The following GHR variants were observed in gnomAD, a reference collection of about 807,000 sequenced individuals.
GHR encodes the protein GH receptor.
In GHR, 35 loss-of-function variants were observed where a neutral mutation model predicts 67.1. The ratio of observed to expected loss-of-function variants is 0.52; its 90% CI spans 0.40 to 0.69. The LOEUF (loss-of-function observed/expected upper bound fraction) is 0.69, where lower values mean the gene tolerates loss of function less well. Ranked by LOEUF, GHR falls within the 30% of genes least tolerant of loss-of-function variation. The pLI, the probability that GHR is intolerant of heterozygous loss-of-function variation, is 0.00. For missense variants in GHR, 792 were observed against 764.6 expected (o/e 1.04, Z -0.42); for synonymous variants, 272 against 269.1 (o/e 1.01, Z -0.10).
chr5:42,660,444 A>G (rs7726356), intron 3 of GHR, among the ~76,000 whole-genome samples: 1,779 of 152,270 alleles, frequency 0.012, 34 homozygotes, highest in African/African-American at 0.041. Flanking sequence ...AGCAGCATTC[A>G]AGGTTCATGA....
intron 2 of GHR, among the ~76,000 whole-genome samples, chr5:42,602,599 CTTCTT>C (rs1752433591): frequency 6.6e-6 from 1 of 152,076 alleles, no homozygotes. Context: ...CTCTTGCTCT[CTTCTT>C]CAGTGTTTTG....
chr5:42,524,108 A>G (rs1340997133), intron 1 of GHR, among the ~76,000 whole-genome samples: 1 of 152,206 alleles, frequency 6.6e-6, no homozygotes, highest in African/African-American at 2.4e-5. Context: ...TGCTGAAAAG[A>G]TACCCAAAAA....
intron 3 of GHR, among the ~76,000 whole-genome samples, chr5:42,686,524 A>G (rs1045058709): frequency 2.0e-5 from 3 of 152,264 alleles, no homozygotes; most frequent in African/African-American, 7.2e-5. Context: ...CTGGTTCAAC[A>G]TACACAAATC....
At chr5:42,663,057 C>A (rs928512352) in intron 3 of GHR, among the ~76,000 whole-genome samples, 2 of 152,184 alleles carry the variant, frequency 1.3e-5, no homozygotes, top group African/African-American at 4.8e-5. Context: ...AGAGTTGAAT[C>A]TCTGAATAGA....
chr5:42,445,155 G>T (rs1743752828), intron 1 of GHR, among the ~76,000 whole-genome samples: 1 of 152,162 alleles, frequency 6.6e-6, no homozygotes, highest in South Asian at 2.1e-4. Context: ...ATAGTACCTA[G>T]CCATGTGCTG....
chr5:42,631,527 A>G (rs1361544132), intron 3 of GHR, among the ~76,000 whole-genome samples: 1 of 152,150 alleles, frequency 6.6e-6, no homozygotes, highest in Non-Finnish European at 1.5e-5. Flanking sequence ...ATACATTGTT[A>G]CCGTGTCACA....
chr5:42,716,066 T>G (rs887289412), intron 8 of GHR, among the ~76,000 whole-genome samples: 1 of 151,914 alleles, frequency 6.6e-6, no homozygotes, highest in African/African-American at 2.4e-5. Flanking sequence ...CGTCACAAAG[T>G]CAAACATCAG....
chr5:42,563,415 G>C (rs543812157), intron 1 of GHR, among the ~76,000 whole-genome samples: 1 of 152,106 alleles, frequency 6.6e-6, no homozygotes, highest in East Asian at 1.9e-4. Flanking sequence ...AGGAGTTTGA[G>C]ACAAGCCTGG....
At chr5:42,638,480 A>G (rs1257402857) in intron 3 of GHR, among the ~76,000 whole-genome samples, 2 of 152,230 alleles carry the variant, frequency 1.3e-5, no homozygotes, top group Non-Finnish European at 1.5e-5. Flanking sequence ...TGGATGGTAC[A>G]GTCTGCTGCA....
At chr5:42,608,186 T>C (rs977927169) in intron 2 of GHR, among the ~76,000 whole-genome samples, 17 of 152,204 alleles carry the variant, frequency 1.1e-4, no homozygotes, top group Non-Finnish European at 2.4e-4. Flanking sequence ...GTTATATAAG[T>C]AAATGTGAAA....
intron 1 of GHR, chr5:42,550,081 A>T (rs1014986061): frequency 5.7e-5 from 56 of 976,242 alleles, no homozygotes; most frequent in Non-Finnish European, 6.3e-5. Flanking sequence ...CCTGATGATC[A>T]ATGATATTAG....
chr5:42,658,726 C>T (rs1018494956), intron 3 of GHR, among the ~76,000 whole-genome samples: 1 of 151,994 alleles, frequency 6.6e-6, no homozygotes, highest in Non-Finnish European at 1.5e-5. Context: ...CTACTGGCAT[C>T]TAGTAGGTAG....
At chr5:42,696,082 A>T (rs1757659303) in intron 5 of GHR, among the ~76,000 whole-genome samples, 2 of 152,230 alleles carry the variant, frequency 1.3e-5, no homozygotes, top group Non-Finnish European at 2.9e-5. Flanking sequence ...ATAGCTGTTG[A>T]GTTGAAACTA....
chr5:42,700,343 CAGT>C (rs901037677), intron 6 of GHR, among the ~76,000 whole-genome samples: 14 of 152,170 alleles, frequency 9.2e-5, no homozygotes, highest in Non-Finnish European at 1.5e-5. Flanking sequence ...ATCCAGTCAA[CAGT>C]GACTATGGCC....
At chr5:42,714,586 A>G (rs1250780089) in intron 8 of GHR, among the ~76,000 whole-genome samples, 2 of 152,212 alleles carry the variant, frequency 1.3e-5, no homozygotes, top group Non-Finnish European at 2.9e-5. Flanking sequence ...AACTGAATGC[A>G]GAAAGGGTTA....
intron 3 of GHR, among the ~76,000 whole-genome samples, chr5:42,662,057 A>G (rs1354342591): frequency 5.3e-5 from 8 of 152,344 alleles, no homozygotes; most frequent in Admixed American, 2.6e-4. Flanking sequence ...AGAGCTAACT[A>G]TCCTAAATAT....
chr5:42,548,282 T>C, intron 1 of GHR: 14 of 985,266 alleles, frequency 1.4e-5, no homozygotes, highest in Non-Finnish European at 1.6e-5. Context: ...TTGTGAAGGT[T>C]TATATATCAA....
intron 1 of GHR, chr5:42,513,979 C>T (rs574488064): frequency 2.9e-5 from 9 of 309,622 alleles, no homozygotes; most frequent in African/African-American, 2.0e-4. Context: ...TATAAAAAAT[C>T]TTTTCTATCC....
At chr5:42,508,795 T>C (rs1746886479) in intron 1 of GHR, among the ~76,000 whole-genome samples, 1 of 152,182 alleles carries the variant, frequency 6.6e-6, no homozygotes, top group African/African-American at 2.4e-5. Flanking sequence ...AGGATGGTCT[T>C]GATCTCCTGA....
Sources: allele counts gnomAD v4.1 joint callset (sites outside exome capture counted in the v4.1 genomes callset), GRCh38; gene constraint gnomAD v4.1.1; transcripts MANE v1.5; gene names NCBI Gene and HGNC (gene_info 2026-07-23, HGNC 2026-07-21).